The following KCNAB2 variants were observed in gnomAD, a reference collection of about 807,000 sequenced individuals.
KCNAB2 encodes voltage-gated potassium channel subunit beta-2.
A neutral mutation model predicts 63.6 loss-of-function variants in KCNAB2; 29 were observed. The observed-to-expected ratio is 0.46, with a 90% confidence interval of 0.34 to 0.62. KCNAB2 has a LOEUF of 0.62. Ranked by LOEUF, KCNAB2 falls within the 20% of genes least tolerant of loss-of-function variation. The pLI is 0.01. For synonymous variants in KCNAB2, 222 were observed against 224.2 expected (o/e 0.99, Z 0.09); for missense variants, 359 against 563.9 (o/e 0.64, Z 3.68).
chr1:5,995,360 A>G (rs1022418985), intron 1 of KCNAB2, among the ~76,000 whole-genome samples: 1 of 152,120 alleles, frequency 6.6e-6, no homozygotes, highest in Admixed American at 6.5e-5. Flanking sequence ...TGGACCCCCT[A>G]CTTCCTACTT....
chr1:6,041,584 GC>G, upstream of KCNAB2: 1 of 548,120 alleles, frequency 1.8e-6, no homozygotes, highest in Non-Finnish European at 3.3e-6. Context: ...CATGGAAGGA[GC>G]CCTTGGTGTC....
At chr1:6,054,640 A>G (rs1218269026) in intron 2 of KCNAB2, among the ~76,000 whole-genome samples, 1 of 152,176 alleles carries the variant, frequency 6.6e-6, no homozygotes, top group Non-Finnish European at 1.5e-5. Flanking sequence ...GAACCTGGAT[A>G]CAGAATTTTC....
At position 6,097,365 on chromosome 1, in the gene KCNAB2, T is replaced by A; in HGVS notation, c.1158+8T>A. 6.4e-7 allele frequency: 1 copy of A among 1,550,694 alleles called. No homozygotes were observed. Among genetic ancestry groups the A allele is most frequent in the South Asian group, 1.2e-5 (1 of 84,094 alleles). On this transcript the variant is annotated splice_region_variant and intron_variant, in intron 15 of 15. Coordinates refer to ENST00000378083, the MANE Select transcript of KCNAB2 (RefSeq NM_001199862.2). ...AACATTGGGGCAATACAGGTAAGAGTGAGAGGCCCTGCTGGGCAGAGGGCC... is the reference window on the plus strand; with the variant it reads ...AACATTGGGGCAATACAGGTAAGAGAGAGAGGCCCTGCTGGGCAGAGGGCC...
chr1:6,090,610 T>TG lies in KCNAB2; in HGVS notation c.601+141dup. The stretch of plus-strand genomic sequence containing the variant: ...CCGTGAGAGGAGGCCGGGTCCAGGG[T>TG]GGGGGGCGAGGGGGCAGGCCTCCCC... On this transcript the variant is annotated intron_variant, in intron 9 of 15. Transcript: ENST00000378083. 43 of 651,114 alleles carry TG rather than the reference T, an allele frequency of 6.6e-5. No individual in the cohort carries two copies. In the South Asian group the frequency reaches 7.7e-4, roughly 12 times the overall value. The allele number at this position is 651,114 out of a possible 1,614,324, so 40.3% of individuals were successfully genotyped here.
At chr1:6,093,939 C>T (rs1665402497) in intron 10 of KCNAB2, among the ~76,000 whole-genome samples, 1 of 152,208 alleles carries the variant, frequency 6.6e-6, no homozygotes, top group Non-Finnish European at 1.5e-5. Flanking sequence ...AAGTAGGAGA[C>T]CAGAAACGCA....
rs560199615 is a variant in KCNAB2, at chr1:6,060,580, G to A, written c.218+8826G>A. Among the ~76,000 whole-genome samples the A allele has an allele frequency of 1.8e-3, 271 of 152,260 alleles. 2 individuals are homozygous for A. Among genetic ancestry groups the A allele is most frequent in the African/African-American group, 6.1e-3 (255 of 41,556 alleles). Reference sequence around the variant, plus strand: ...GATGCAGACCCTCAGTCTCACTCTCGGAGGAGCTGCTGGAGGCTGTGCTTT... The same window carrying A: ...GATGCAGACCCTCAGTCTCACTCTCAGAGGAGCTGCTGGAGGCTGTGCTTT... On this transcript the variant is annotated intron_variant, in intron 2 of 15. Coordinates refer to ENST00000378083, the MANE Select transcript of KCNAB2 (RefSeq NM_001199862.2).
chr1:6,073,279 G>A lies in KCNAB2; in HGVS notation c.263-454G>A, dbSNP rs57533191. 0.036 allele frequency among the ~76,000 whole-genome samples: 5,320 copies of A among 149,288 alleles called. 297 individuals are homozygous for A. The highest frequency in any genetic ancestry group is 0.12 in the African/African-American group (4,813 of 40,402). On this transcript the variant is annotated intron_variant, in intron 3 of 15. Coordinates refer to ENST00000378083, the MANE Select transcript of KCNAB2 (RefSeq NM_001199862.2). This position sits in a 1 kb window ranked among gnomAD's most constrained non-coding sequence, Gnocchi z 5.7. ...GTACACACACCCCCACACACACACC[G>A]CCCACTGCAGTACACACACCCCGCC...
Position 6,061,561 on chromosome 1 carries a change from G to A in KCNAB2, c.218+9807G>A, listed in dbSNP as rs750175869. On this transcript the variant is annotated intron_variant, in intron 2 of 15. Transcript: ENST00000378083. ...AATTCTCTGTCATGGGGCAGCATCC[G>A]TGGCCTCTGCCTACTGCCAGTAGCA... 4.6e-5 allele frequency among the ~76,000 whole-genome samples: 7 copies of A among 152,308 alleles called. No individual in the cohort carries two copies. The South Asian group carries it at 8.3e-4, about 18-fold the overall frequency.
At chr1:6,049,500 G>GC (rs1049105823) in intron 1 of KCNAB2, among the ~76,000 whole-genome samples, 4 of 152,138 alleles carry the variant, frequency 2.6e-5, no homozygotes, top group South Asian at 2.1e-4. Context: ...GGGAAACGCA[G>GC]CCCCCCCACC....
At chr1:6,098,380 C>CG (rs1665821168) in intron 15 of KCNAB2, 105 bp from the exon 16 acceptor site, 10 of 1,532,126 alleles carry the variant, frequency 6.5e-6, no homozygotes, top group Non-Finnish European at 8.8e-6. Flanking sequence ...TGGGGCAACC[C>CG]GGGCCTGGCC....
In KCNAB2 at chr1:6,090,463, A is replaced by T; in HGVS notation, c.589A>T (p.Thr197Ser). Residue 197 changes from threonine to serine, a missense_variant, in exon 9 of 16, where the codon ACC becomes TCC. Thr to Ser is a moderately conservative substitution (Grantham distance 58). Coordinates refer to ENST00000378083, the MANE Select transcript of KCNAB2 (RefSeq NM_001199862.2). ...GTTTGCCAACCGCCCGGACCCCAAC[A>T]CCCCGATGGAAGGTAGGTGGTCTGC... is the stretch of plus-strand genomic sequence containing the variant. ...VVFANRPDPN[T>S]PMEGDPFSSS... 1.9e-6 allele frequency: 3 copies of T among 1,613,166 alleles called. No individual in the cohort carries two copies. Among genetic ancestry groups the T allele is most frequent in the Non-Finnish European group, 2.5e-6 (3 of 1,179,606 alleles).
chr1:6,081,107 C>T (rs1455324243), intron 4 of KCNAB2, among the ~76,000 whole-genome samples: 2 of 152,360 alleles, frequency 1.3e-5, no homozygotes, highest in East Asian at 3.9e-4. Flanking sequence ...CACCCCACGA[C>T]CAGTTCTTTG....
chr1:6,096,510 A>G lies in KCNAB2; in HGVS notation c.949-126A>G. The G allele has an allele frequency of 7.6e-7, 1 of 1,312,916 alleles. No individual in the cohort carries two copies. The highest frequency in any genetic ancestry group is 2.6e-5 in the East Asian group (1 of 38,906). The allele number at this position is 1,312,916 out of a possible 1,614,324, so 81.3% of individuals were successfully genotyped here. A position where few individuals can be genotyped will look rare whatever the true frequency, so the allele number is the denominator to read the frequency against. ...GGGGCAGGGGCACTGCCCTGGCTTC[A>G]AGATGAGAAGAGCCCCTATGAGGGA... On this transcript the variant is annotated intron_variant, in intron 13 of 15. Coordinates refer to ENST00000378083, the MANE Select transcript of KCNAB2 (RefSeq NM_001199862.2). This position sits in a 1 kb window ranked among gnomAD's most constrained non-coding sequence, Gnocchi z 5.9.
rs772523120 is a variant in KCNAB2 at position 6,096,073 on chromosome 1, G to C, written c.948+449G>C. Reference sequence around the variant, plus strand: ...GAGTGGGGACTCAGGAGGGTCCCCAGACTGCAGGATCTGGAGAACAAGGAG... The same window carrying C: ...GAGTGGGGACTCAGGAGGGTCCCCACACTGCAGGATCTGGAGAACAAGGAG... On this transcript the variant is annotated intron_variant, in intron 13 of 15. Transcript: ENST00000378083. This position sits in a 1 kb window ranked among gnomAD's most constrained non-coding sequence, Gnocchi z 5.9. 2.2e-6 allele frequency: 1 copy of C among 458,742 alleles called. No individual in the cohort carries two copies. Among genetic ancestry groups the C allele is most frequent in the South Asian group, 1.5e-5 (1 of 64,576 alleles). 28.4% of individuals were successfully genotyped at this position (458,742 alleles called of 1,614,324 possible).
chr1:6,041,706 G>A, upstream of KCNAB2: 1 of 804,218 alleles, frequency 1.2e-6, no homozygotes, highest in Non-Finnish European at 2.1e-6. Context: ...CGACTGGTGG[G>A]GGCCCGGGGG....
chr1:6,015,031 T>TG (rs1488359282), intron 1 of KCNAB2, among the ~76,000 whole-genome samples: 10 of 142,728 alleles, frequency 7.0e-5, no homozygotes, highest in East Asian at 2.0e-4. Context: ...TTTTTTTTTT[T>TG]TTTTTTTTTT....
At chr1:6,061,107 C>T (rs923381078) in intron 2 of KCNAB2, among the ~76,000 whole-genome samples, 1 of 152,198 alleles carries the variant, frequency 6.6e-6, no homozygotes, top group Non-Finnish European at 1.5e-5. Flanking sequence ...AGCCGGAAGC[C>T]TCCGCTACAG....
At position 6,073,236 on chromosome 1, in the gene KCNAB2, A is replaced by G. The variant is rs973488343; in HGVS notation, c.262+438A>G. Reference sequence around the variant, plus strand: ...CCTGTTTCCAGAATGTGCAGTCCCCACCTCCCCTCTGCATGCAGTACACAC... The same window carrying G: ...CCTGTTTCCAGAATGTGCAGTCCCCGCCTCCCCTCTGCATGCAGTACACAC... On this transcript the variant is annotated intron_variant, in intron 3 of 15. Coordinates refer to ENST00000378083, the MANE Select transcript of KCNAB2 (RefSeq NM_001199862.2). The surrounding 1 kb of genome is among the most constrained non-coding windows in gnomAD (Gnocchi z 5.7). Among the ~76,000 whole-genome samples, 3 of 149,996 alleles carry G rather than the reference A, an allele frequency of 2.0e-5. No individual in the cohort carries two copies. The highest frequency in any genetic ancestry group is 3.0e-5 in the Non-Finnish European group (2 of 67,528).
intron 1 of KCNAB2, among the ~76,000 whole-genome samples, chr1:6,049,702 C>T (rs1469059278): frequency 6.6e-6 from 1 of 152,228 alleles, no homozygotes; most frequent in Non-Finnish European, 1.5e-5. Context: ...GCCTGCTGGT[C>T]TCTCTTTAGC....
Sources: gnomAD v4.1 joint callset for allele counts (sites outside exome capture counted in the v4.1 genomes callset) on GRCh38, gnomAD v4.1.1 for gene constraint, Gnocchi (gnomAD v3.1) non-coding constraint, MANE v1.5 for transcripts, NCBI Gene and HGNC (gene_info 2026-07-23, HGNC 2026-07-21) for gene names.